The following FYN variants were observed in gnomAD, a reference collection of about 807,000 sequenced individuals.
The protein encoded by FYN is tyrosine-protein kinase Fyn.
A neutral mutation model predicts 70.2 loss-of-function variants in FYN; 10 were observed. That is an observed-to-expected ratio of 0.14 (90% CI 0.09 to 0.24). The LOEUF (loss-of-function observed/expected upper bound fraction) is 0.24. Ranked by LOEUF, FYN falls within the 10% of genes least tolerant of loss-of-function variation. FYN has a pLI of 1.00. For synonymous variants in FYN, 236 were observed against 248.6 expected, an observed-to-expected ratio of 0.95 and a Z score of 0.48; for missense variants, 319 against 673.1, an observed-to-expected ratio of 0.47 and a Z score of 5.82.
At chr6:111,725,225 G>A (rs1407374175) in intron 3 of FYN, among the ~76,000 whole-genome samples, 2 of 152,156 alleles carry the variant, frequency 1.3e-5, no homozygotes, top group Admixed American at 1.3e-4. Context: ...TCCATTGAAA[G>A]CCTAGGAAAG....
rs573564722 is a variant in FYN, at chr6:111,756,365, A to G, written c.-12+24201T>C. ...AGCTTCTCATCCTTCCACCCAAAAA[A>G]ATCCAAAAACCAATAAACACTAGGT... On this transcript the variant is annotated intron_variant, in intron 3 of 13. Transcript: ENST00000354650. Among the ~76,000 whole-genome samples the G allele has an allele frequency of 2.6e-5, 4 of 152,174 alleles. No homozygotes were observed. In the South Asian group the frequency reaches 8.3e-4, roughly 32 times the overall value.
At chr6:111,827,785 G>GCCCTGCTGA (rs987158948) in intron 2 of FYN, among the ~76,000 whole-genome samples, 7 of 152,184 alleles carry the variant, frequency 4.6e-5, no homozygotes, top group Admixed American at 2.6e-4. Context: ...AACACAACAA[G>GCCCTGCTGA]CCCTGCTGAG....
chr6:111,749,803 T>C (rs952919526), intron 3 of FYN, among the ~76,000 whole-genome samples: 12 of 152,140 alleles, frequency 7.9e-5, no homozygotes, highest in African/African-American at 2.9e-4. Flanking sequence ...AATAAATATA[T>C]GTTCAAAATA....
Position 111,696,265 on chromosome 6 carries a change from G to A in FYN, c.1042+12C>T, listed in dbSNP as rs938060917. On this transcript the variant is annotated intron_variant, in intron 10 of 13. Transcript: ENST00000354650. The stretch of plus-strand genomic sequence containing the variant: ...GCACTGTGAGCTGGAGACAGGAGAG[G>A]TGTTGCCCAACCTTTGTTCATATAC... The A allele has an allele frequency of 1.3e-6, 2 of 1,596,782 alleles. No individual in the cohort carries two copies. Among genetic ancestry groups the A allele is most frequent in the Non-Finnish European group, 1.7e-6 (2 of 1,170,390 alleles).
chr6:111,784,191 G>C (rs1212807280), intron 2 of FYN, among the ~76,000 whole-genome samples: 3 of 152,136 alleles, frequency 2.0e-5, no homozygotes, highest in African/African-American at 4.8e-5. Flanking sequence ...ACAAACACAG[G>C]GAAGCAGAGT....
intron 6 of FYN, among the ~76,000 whole-genome samples, chr6:111,705,666 T>C (rs1273881832): frequency 2.6e-5 from 4 of 152,118 alleles, no homozygotes; most frequent in African/African-American, 9.7e-5. Context: ...CTGGCCAACA[T>C]GGTGAAATCC....
intron 3 of FYN, among the ~76,000 whole-genome samples, chr6:111,733,864 G>T (rs982442070): frequency 6.6e-6 from 1 of 152,198 alleles, no homozygotes; most frequent in African/African-American, 2.4e-5. Context: ...GAGGTGGGCG[G>T]AATACTTGAA....
At chr6:111,870,000 G>A (rs999667220) in intron 1 of FYN, among the ~76,000 whole-genome samples, 1 of 152,226 alleles carries the variant, frequency 6.6e-6, no homozygotes, top group Non-Finnish European at 1.5e-5. Context: ...ATTCCCATTA[G>A]CCTATAAGTT....
At chr6:111,789,371 G>C (rs1324936393) in intron 2 of FYN, among the ~76,000 whole-genome samples, 2 of 152,122 alleles carry the variant, frequency 1.3e-5, no homozygotes, top group East Asian at 3.9e-4. Flanking sequence ...TGACTGGATG[G>C]GTGGGGGTAG....
Position 111,679,365 on chromosome 6 carries a change from T to C in FYN, c.1274-4735A>G, listed in dbSNP as rs535236561. On this transcript the variant is annotated intron_variant, in intron 12 of 13. Coordinates refer to ENST00000354650, the MANE Select transcript of FYN (RefSeq NM_002037.5). The stretch of plus-strand genomic sequence containing the variant: ...TTCAGTAAATATTGCCTAACGAAGC[T>C]GTTATTATTAAAGGGCAATGAATGC... Among the ~76,000 whole-genome samples the C allele has an allele frequency of 7.2e-5, 11 of 152,306 alleles. No homozygotes were observed. The South Asian group carries it at 2.1e-3, about 29-fold the overall frequency.
At chr6:111,789,825 C>A (rs771727609) in intron 2 of FYN, among the ~76,000 whole-genome samples, 1 of 152,182 alleles carries the variant, frequency 6.6e-6, no homozygotes, top group Non-Finnish European at 1.5e-5. Context: ...ATGATGCAAG[C>A]GCAGCTGCTG....
chr6:111,788,772 A>G (rs549065515), intron 2 of FYN, among the ~76,000 whole-genome samples: 1 of 152,308 alleles, frequency 6.6e-6, no homozygotes, highest in South Asian at 2.1e-4. Context: ...ACAAAGCCCA[A>G]TTGCCAGGGA....
chr6:111,844,279 G>A (rs563412257), intron 2 of FYN, among the ~76,000 whole-genome samples: 5 of 152,276 alleles, frequency 3.3e-5, no homozygotes, highest in Admixed American at 1.3e-4. Flanking sequence ...TTACAAAAAC[G>A]TTCAACTAAA....
At chr6:111,780,135 T>C (rs1771114607) in intron 3 of FYN, among the ~76,000 whole-genome samples, 1 of 152,216 alleles carries the variant, frequency 6.6e-6, no homozygotes, top group South Asian at 2.1e-4. Context: ...AAGCTGGACT[T>C]GTAGCTTCCT....
At chr6:111,870,356 C>T (rs935849516) in intron 1 of FYN, among the ~76,000 whole-genome samples, 5 of 152,150 alleles carry the variant, frequency 3.3e-5, no homozygotes, top group Admixed American at 6.5e-5. Context: ...AGCCACCTAC[C>T]GACCAGAAAC....
chr6:111,720,422 T>C (rs902317122), intron 3 of FYN, among the ~76,000 whole-genome samples: 1 of 152,124 alleles, frequency 6.6e-6, no homozygotes. Flanking sequence ...CTAAAAAAAA[T>C]AATACATGCT....
At chr6:111,821,940 A>T (rs1280323475) in intron 2 of FYN, among the ~76,000 whole-genome samples, 1 of 150,042 alleles carries the variant, frequency 6.7e-6, no homozygotes, top group Non-Finnish European at 1.5e-5. Flanking sequence ...ATACCATCTC[A>T]CACCAGTCAG....
intron 2 of FYN, among the ~76,000 whole-genome samples, chr6:111,836,786 A>G (rs1163092745): frequency 6.6e-6 from 1 of 152,188 alleles, no homozygotes; most frequent in Non-Finnish European, 1.5e-5. Flanking sequence ...GAAAAACAAC[A>G]AATGCTTTTT....
chr6:111,709,862 G>A (rs1583342445), intron 5 of FYN, among the ~76,000 whole-genome samples: 2 of 152,162 alleles, frequency 1.3e-5, no homozygotes, highest in East Asian at 3.8e-4. Flanking sequence ...TTCAAATCAT[G>A]ACATTAAAAA....
Sources: allele counts gnomAD v4.1 joint callset (sites outside exome capture counted in the v4.1 genomes callset), GRCh38; gene constraint gnomAD v4.1.1; transcripts MANE v1.5; gene names NCBI Gene and HGNC (gene_info 2026-07-23, HGNC 2026-07-21).